Variants in WDR47 observed in about 807,000 individuals in gnomAD.
The protein encoded by WDR47 is WD repeat-containing protein 47.
In WDR47, 32 loss-of-function variants were observed where a neutral mutation model predicts 97.2. That is an observed-to-expected ratio of 0.33 (90% CI 0.25 to 0.44). The LOEUF is 0.44. WDR47 is among the 20% of genes least tolerant of loss of function. The pLI, the probability that WDR47 is intolerant of heterozygous loss-of-function variation, is 1.00. For missense variants in WDR47, 782 were observed against 1,102.3 expected (o/e 0.71, Z 4.11); for synonymous variants, 375 against 373.5 (o/e 1.00, Z -0.05).
intron 5 of WDR47, among the ~76,000 whole-genome samples, chr1:109,010,516 T>C (rs1571212659): frequency 6.6e-6 from 1 of 152,018 alleles, no homozygotes; most frequent in South Asian, 2.1e-4. Flanking sequence ...GAGCCAGACC[T>C]GTCTCAAAGA....
intron 2 of WDR47, among the ~76,000 whole-genome samples, chr1:109,022,218 TC>T (rs1350768538): frequency 6.6e-6 from 1 of 152,120 alleles, no homozygotes; most frequent in African/African-American, 2.4e-5. Context: ...AAGGCATGAT[TC>T]TAAATCATAA....
intron 7 of WDR47, among the ~76,000 whole-genome samples, chr1:109,000,236 C>T (rs1055136676): frequency 7.9e-5 from 12 of 151,786 alleles, no homozygotes; most frequent in African/African-American, 2.4e-4. Context: ...AAAGGGCAGG[C>T]GCAGTGGCTT....
In WDR47 at chr1:109,032,260, C is replaced by T. The variant is rs1458125295; in HGVS notation, c.-9-8739G>A. ...GGCGCAGTGGCTCATGCCTGTAATC[C>T]CAGCACTTTGGGAGGCGGAGGCGGG... is the stretch of plus-strand genomic sequence containing the variant. On this transcript the variant is annotated intron_variant, in intron 1 of 14. Transcript: ENST00000369962. Among the ~76,000 whole-genome samples, 16 of 139,040 alleles carry T rather than the reference C, an allele frequency of 1.2e-4. 4 individuals carry two copies. The highest frequency in any genetic ancestry group is 3.9e-4 in the African/African-American group (15 of 38,866). 91.2% of individuals were successfully genotyped at this position (139,040 alleles called of 152,430 possible). A position where few individuals can be genotyped will look rare whatever the true frequency, so the allele number is the denominator to read the frequency against.
chr1:109,021,384 C>T (rs900252823), intron 2 of WDR47, among the ~76,000 whole-genome samples: 1 of 151,802 alleles, frequency 6.6e-6, no homozygotes, highest in Non-Finnish European at 1.5e-5. Context: ...AAAAATTAGC[C>T]GGACGTGGTG....
intron 14 of WDR47, 48 bp downstream of exon 14, chr1:108,974,488 C>T (rs780649917): frequency 2.6e-5 from 39 of 1,513,868 alleles, no homozygotes; most frequent in Non-Finnish European, 3.5e-5. Context: ...AATAAAGGTC[C>T]CAAATAGAAC....
intron 2 of WDR47, among the ~76,000 whole-genome samples, chr1:109,017,986 T>C (rs1416866752): frequency 6.6e-6 from 1 of 151,080 alleles, no homozygotes; most frequent in African/African-American, 2.4e-5. Context: ...TGACCTCAGG[T>C]GATCCACCCA....
intron 9 of WDR47, among the ~76,000 whole-genome samples, chr1:108,987,743 C>T (rs1180905888): frequency 1.3e-5 from 2 of 152,022 alleles, no homozygotes; most frequent in African/African-American, 4.8e-5. Context: ...GCTGGGATTA[C>T]AGGCATGAGC....
chr1:108,990,492 A>T (rs1206184919), intron 9 of WDR47, among the ~76,000 whole-genome samples: 1 of 152,182 alleles, frequency 6.6e-6, no homozygotes, highest in South Asian at 2.1e-4. Context: ...TACAGGTGTG[A>T]GCCACCATGC....
intron 1 of WDR47, among the ~76,000 whole-genome samples, chr1:109,024,262 G>A (rs1662050068): frequency 1.3e-5 from 2 of 151,986 alleles, no homozygotes; most frequent in Admixed American, 1.3e-4. Context: ...GACCAGCCTG[G>A]GAACCATGGC....
chr1:109,011,437 A>G lies in WDR47; in HGVS notation c.609T>C (p.Leu203=). 1 of 1,614,174 alleles carries G rather than the reference A, an allele frequency of 6.2e-7. No individual in the cohort carries two copies. The highest frequency in any genetic ancestry group is 8.5e-7 in the Non-Finnish European group (1 of 1,180,034). ...RLFQLVMKGL[L]YECCVEFCQS... ...GACAAAATTCTACACAGCATTCATAAAGCAGGCCTTTCATTACAAGCTGAA... is the reference window on the plus strand; with the variant it reads ...GACAAAATTCTACACAGCATTCATAGAGCAGGCCTTTCATTACAAGCTGAA... The change falls in exon 5 of 15, where the codon CTT becomes CTC. Residue 203 remains leucine, a synonymous_variant. Transcript: ENST00000369962.
intron 5 of WDR47, among the ~76,000 whole-genome samples, chr1:109,010,226 C>T (rs1024716411): frequency 2.0e-5 from 3 of 151,996 alleles, no homozygotes; most frequent in Non-Finnish European, 2.9e-5. Flanking sequence ...AAAGTATTAA[C>T]GACTAACTTT....
intron 1 of WDR47, chr1:109,030,318 A>G: frequency 1.9e-6 from 2 of 1,037,274 alleles, no homozygotes; most frequent in Non-Finnish European, 2.8e-6. Flanking sequence ...AAGCAGCACT[A>G]AAAGCACTCT....
In WDR47 at chr1:109,034,384, T is replaced by G. The variant is rs541495390; in HGVS notation, c.-10+7478A>C. Among the ~76,000 whole-genome samples the G allele has an allele frequency of 9.6e-4, 146 of 152,322 alleles. 1 individual carries two copies. The South Asian group carries it at 0.013, about 14-fold the overall frequency. ...CAAATAAAAAATGTTCCCTGAAAAT[T>G]TATTTGTAATAGAGAAAAATTAGAA... On this transcript the variant is annotated intron_variant, in intron 1 of 14. Coordinates refer to ENST00000369962, the MANE Select transcript of WDR47 (RefSeq NM_001142551.2).
rs1164022707 is a variant in WDR47 at position 109,004,698 on chromosome 1, G to C, written c.1148C>G (p.Ala383Gly). The C allele has an allele frequency of 2.5e-6, 4 of 1,607,778 alleles. No individual in the cohort carries two copies. The highest frequency in any genetic ancestry group is 3.4e-6 in the Non-Finnish European group (4 of 1,177,284). The change falls in exon 6 of 15, where the codon GCA (alanine) becomes GGA (glycine). Residue 383 changes from alanine to glycine, a missense_variant. This residue lies in a region of WDR47 where 428 missense variants were observed against 584.3 expected (regional missense o/e 0.73). Coordinates refer to ENST00000369962, the MANE Select transcript of WDR47 (RefSeq NM_001142551.2). Reference protein sequence around the residue: ...ESPERDTPVDAQRPIGSEILG... With the variant: ...ESPERDTPVDGQRPIGSEILG... Reference sequence around the variant, plus strand: ...GATTTCACTGCCGATAGGCCTCTGTGCATCAACAGGTGTATCACTTCTTCC... The same window carrying C: ...GATTTCACTGCCGATAGGCCTCTGTCCATCAACAGGTGTATCACTTCTTCC...
At chr1:109,029,036 G>A (rs184617449) in intron 1 of WDR47, among the ~76,000 whole-genome samples, 29 of 152,152 alleles carry the variant, frequency 1.9e-4, no homozygotes, top group Non-Finnish European at 3.4e-4. Context: ...AAGTATGTCT[G>A]GAAACCAGCT....
chr1:109,013,745 T>C (rs1156523425), intron 4 of WDR47, 96 bp downstream of exon 4: 1 of 1,351,282 alleles, frequency 7.4e-7, no homozygotes, highest in Non-Finnish European at 1.0e-6. Flanking sequence ...ATAAAAACTC[T>C]GAAAACTTGT....
At chr1:109,016,278 C>T (rs1472864886) in intron 3 of WDR47, among the ~76,000 whole-genome samples, 1 of 152,044 alleles carries the variant, frequency 6.6e-6, no homozygotes. Context: ...TGGCACACGC[C>T]TGCAGTCCCA....
intron 7 of WDR47, 142 bp from the exon 8 acceptor site, chr1:108,995,979 C>G (rs1266497310): frequency 2.4e-6 from 2 of 841,018 alleles, no homozygotes; most frequent in Non-Finnish European, 3.6e-6. Flanking sequence ...AAATTACCAC[C>G]ATCAACTTAA....
At chr1:108,994,684 T>C (rs1471197219) in intron 8 of WDR47, among the ~76,000 whole-genome samples, 1 of 152,160 alleles carries the variant, frequency 6.6e-6, no homozygotes, top group African/African-American at 2.4e-5. Flanking sequence ...ATTTTAAGCC[T>C]TGAAGTACTA....
Sources: gnomAD v4.1 joint callset for allele counts (sites outside exome capture counted in the v4.1 genomes callset) on GRCh38, gnomAD v4.1.1 for gene constraint, gnomAD v4.1.1 regional missense constraint, MANE v1.5 for transcripts, NCBI Gene and HGNC (gene_info 2026-07-23, HGNC 2026-07-21) for gene names.